Variants in LZIC observed in about 807,000 individuals in gnomAD.
LZIC encodes the protein leucine zipper and CTNNBIP1 domain containing.
LZIC carries 28 observed loss-of-function variants against 25.4 expected under a neutral mutation model. The ratio of observed to expected loss-of-function variants is 1.10; its 90% CI spans 0.82 to 1.51. LZIC has a LOEUF of 1.51. Ranked by LOEUF, LZIC falls within the 40% of genes most tolerant of loss-of-function variation. LZIC has a pLI of 0.00. For synonymous variants in LZIC, 65 were observed against 70.7 expected, an observed-to-expected ratio of 0.92 and a Z score of 0.40; for missense variants, 170 against 211.1, an observed-to-expected ratio of 0.81 and a Z score of 1.21.
Position 9,929,760 on chromosome 1 carries a change from A to G in LZIC, c.*639T>C. On this transcript the variant is annotated 3_prime_UTR_variant, in exon 8 of 8. Transcript: ENST00000377223. Reference sequence around the variant, plus strand: ...TTTTATTGGGACACTGAATTTTCAAAAACACTGACTTGCACAAATAGTGTT... The same window carrying G: ...TTTTATTGGGACACTGAATTTTCAAGAACACTGACTTGCACAAATAGTGTT... 1 of 985,156 alleles carries G rather than the reference A, an allele frequency of 1.0e-6. No homozygotes were observed. The highest frequency in any genetic ancestry group is 1.2e-6 in the Non-Finnish European group (1 of 829,696). 61.0% of individuals were successfully genotyped at this position (985,156 alleles called of 1,614,324 possible).
intron 4 of LZIC, 66 bp from the exon 5 acceptor site, chr1:9,934,926 T>C (rs1183804451): frequency 4.4e-6 from 5 of 1,143,578 alleles, no homozygotes; most frequent in Non-Finnish European, 6.6e-6. Flanking sequence ...CAATAACTGA[T>C]TGACGGATCC....
In LZIC at chr1:9,927,401, A is replaced by C. The variant is rs1166588688; in HGVS notation, c.*2998T>G. On this transcript the variant is annotated 3_prime_UTR_variant, in exon 8 of 8. Transcript: ENST00000377223. ...ACTGCAACCTCTGCTTCCCAGGTTC[A>C]GGTGATCCTCTGACCTCAGCTTCCT... is the stretch of plus-strand genomic sequence containing the variant. Among the ~76,000 whole-genome samples the C allele has an allele frequency of 6.6e-6, 1 of 151,932 alleles. No individual in the cohort carries two copies. Among genetic ancestry groups the C allele is most frequent in the East Asian group, 1.9e-4 (1 of 5,186 alleles).
At position 9,927,678 on chromosome 1, in the gene LZIC, C is replaced by CTTTTTTT. The variant is rs551706607; in HGVS notation, c.*2714_*2720dup. 9.4e-6 allele frequency among the ~76,000 whole-genome samples: 1 copy of CTTTTTTT among 106,666 alleles called. No individual in the cohort carries two copies. The highest frequency in any genetic ancestry group is 1.8e-5 in the Non-Finnish European group (1 of 54,778). 70.0% of individuals were successfully genotyped at this position (106,666 alleles called of 152,430 possible). ...AGGGTAAGGGAAGAATCTTCTTCCT[C>CTTTTTTT]TTTTTTTTTTTTTTTTTTTTTTTGA... On this transcript the variant is annotated 3_prime_UTR_variant, in exon 8 of 8. Coordinates refer to ENST00000377223, the MANE Select transcript of LZIC (RefSeq NM_032368.5).
intron 2 of LZIC, among the ~76,000 whole-genome samples, 151 bp downstream of exon 2, chr1:9,942,473 G>A (rs1640801480): frequency 6.6e-6 from 1 of 152,136 alleles, no homozygotes; most frequent in South Asian, 2.1e-4. Flanking sequence ...CCTTAACCTG[G>A]TACTACATTA....
intron 6 of LZIC, chr1:9,932,287 G>A (rs955344859): frequency 3.2e-5 from 7 of 221,544 alleles, no homozygotes; most frequent in African/African-American, 1.2e-4. Flanking sequence ...AGAGGTTGCA[G>A]TGGGCTGAGA....
At chr1:9,930,567 T>C (rs1640165181) in intron 7 of LZIC, 110 bp from the exon 8 acceptor site, 3 of 1,463,334 alleles carry the variant, frequency 2.1e-6, no homozygotes, top group Non-Finnish European at 1.9e-6. Flanking sequence ...AAAATATAAT[T>C]AGCCTCCATT....
intron 7 of LZIC, among the ~76,000 whole-genome samples, chr1:9,931,221 C>T (rs908379396): frequency 6.6e-6 from 1 of 151,774 alleles, no homozygotes; most frequent in Non-Finnish European, 1.5e-5. Flanking sequence ...TGCATGCCAC[C>T]ACACCTAGCT....
intron 2 of LZIC, among the ~76,000 whole-genome samples, chr1:9,939,288 C>T (rs1051939796): frequency 1.5e-4 from 23 of 151,690 alleles, no homozygotes; most frequent in African/African-American, 5.1e-4. Context: ...TCTTGAACTC[C>T]TGACCTCAAA....
intron 5 of LZIC, among the ~76,000 whole-genome samples, 174 bp from the exon 6 acceptor site, chr1:9,933,072 G>C (rs1640297123): frequency 6.6e-6 from 1 of 151,652 alleles, no homozygotes; most frequent in African/African-American, 2.4e-5. Context: ...GGCTAACACG[G>C]TGAAACCCCG....
downstream of LZIC, among the ~76,000 whole-genome samples, chr1:9,924,370 T>C (rs1285872552): frequency 6.6e-6 from 1 of 152,114 alleles, no homozygotes; most frequent in Non-Finnish European, 1.5e-5. Flanking sequence ...TATTTATTTT[T>C]TTGAGACGGA....
At chr1:9,922,283 C>T, downstream of LZIC, 2 of 985,204 alleles carry the variant, frequency 2.0e-6, no homozygotes, top group Non-Finnish European at 2.4e-6. Flanking sequence ...TAACAGGAAG[C>T]TAATCTTGCT....
chr1:9,934,388 T>C (rs893892121), intron 5 of LZIC, among the ~76,000 whole-genome samples: 1 of 152,146 alleles, frequency 6.6e-6, no homozygotes, highest in African/African-American at 2.4e-5. Context: ...TCCAAGCCTA[T>C]AAACAGACTT....
chr1:9,929,545 C>A lies in LZIC; in HGVS notation c.*854G>T. ...CCCCTCTGAGTGTGACAAGAGGTCACGCACAGGGAGGGCCTCTAGCTGCCA... is the reference window on the plus strand; with the variant it reads ...CCCCTCTGAGTGTGACAAGAGGTCAAGCACAGGGAGGGCCTCTAGCTGCCA... On this transcript the variant is annotated 3_prime_UTR_variant, in exon 8 of 8. Coordinates refer to ENST00000377223, the MANE Select transcript of LZIC (RefSeq NM_032368.5). 2.0e-6 allele frequency: 2 copies of A among 985,380 alleles called. No individual in the cohort carries two copies. The highest frequency in any genetic ancestry group is 2.4e-6 in the Non-Finnish European group (2 of 829,928). The allele number at this position is 985,380 out of a possible 1,614,324, so 61.0% of individuals were successfully genotyped here. A position where few individuals can be genotyped will look rare whatever the true frequency, so the allele number is the denominator to read the frequency against.
chr1:9,935,703 T>C, intron 3 of LZIC, 76 bp from the exon 4 acceptor site: 1 of 1,312,016 alleles, frequency 7.6e-7, no homozygotes, highest in Non-Finnish European at 1.0e-6. Context: ...ACTTGTACAT[T>C]AGAGAAAGAC....
At chr1:9,933,740 T>C (rs1640336315) in intron 5 of LZIC, among the ~76,000 whole-genome samples, 1 of 151,828 alleles carries the variant, frequency 6.6e-6, no homozygotes, top group Non-Finnish European at 1.5e-5. Context: ...ACCCTGTCTC[T>C]ATGAAAAATA....
intron 2 of LZIC, among the ~76,000 whole-genome samples, chr1:9,939,369 T>TTTC (rs1640597250): frequency 2.7e-5 from 2 of 74,438 alleles, no homozygotes; most frequent in Non-Finnish European, 7.9e-5. Context: ...GCTTTTTTTT[T>TTTC]TTTCTTTTTT....
At chr1:9,924,419 A>G (rs1487152017), downstream of LZIC, among the ~76,000 whole-genome samples, 1 of 151,686 alleles carries the variant, frequency 6.6e-6, no homozygotes, top group Non-Finnish European at 1.5e-5. Flanking sequence ...CAGTGGCGCG[A>G]TCTCAGCTCA....
intron 3 of LZIC, 46 bp downstream of exon 3, chr1:9,936,473 A>G (rs534800720): frequency 7.3e-6 from 10 of 1,368,584 alleles, no homozygotes; most frequent in Non-Finnish European, 9.4e-6. Context: ...CTAGCTGCAG[A>G]AAAAACGCCA....
intron 2 of LZIC, among the ~76,000 whole-genome samples, chr1:9,940,237 A>G (rs1262297818): frequency 6.6e-6 from 1 of 151,442 alleles, no homozygotes; most frequent in Non-Finnish European, 1.5e-5. Context: ...AGTGCAGTGG[A>G]GCAATCTCAG....
Sources: gnomAD v4.1 joint callset for allele counts (sites outside exome capture counted in the v4.1 genomes callset) on GRCh38, gnomAD v4.1.1 for gene constraint, MANE v1.5 for transcripts, NCBI Gene and HGNC (gene_info 2026-07-23, HGNC 2026-07-21) for gene names.